The following SNAP91 variants were observed in gnomAD, a reference collection of about 807,000 sequenced individuals.
SNAP91 encodes the protein synaptosome associated protein 91.
SNAP91 carries 27 observed loss-of-function variants against 100.3 expected under a neutral mutation model. That is an observed-to-expected ratio of 0.27 (90% CI 0.20 to 0.37). The LOEUF (loss-of-function observed/expected upper bound fraction) is 0.37, where lower values mean the gene tolerates loss of function less well. Ranked by LOEUF, SNAP91 falls within the 10% of genes least tolerant of loss-of-function variation. The pLI is 1.00. For synonymous variants in SNAP91, 404 were observed against 398.6 expected, an observed-to-expected ratio of 1.01 and a Z score of -0.16; for missense variants, 986 against 1,123.7, an observed-to-expected ratio of 0.88 and a Z score of 1.75.
chr6:83,667,457 A>G lies in SNAP91; in HGVS notation c.131-1876T>C, dbSNP rs1056122631. ...CTGGTCTTTTATTGAGTAAGAAATT[A>G]AAAAGATTTATAAAAATATAAAATG... is the stretch of plus-strand genomic sequence containing the variant. On this transcript the variant is annotated intron_variant, in intron 2 of 29. Transcript: ENST00000369694. Among the ~76,000 whole-genome samples, 96 of 152,208 alleles carry G rather than the reference A, an allele frequency of 6.3e-4. 1 individual carries two copies. Among genetic ancestry groups the G allele is most frequent in the African/African-American group, 2.1e-3 (89 of 41,576 alleles).
At chr6:83,670,207 T>G (rs1001795031) in intron 2 of SNAP91, among the ~76,000 whole-genome samples, 2 of 151,624 alleles carry the variant, frequency 1.3e-5, no homozygotes, top group African/African-American at 4.8e-5. Context: ...ATGAGCATTC[T>G]AGTTGCTCTA....
chr6:83,586,877 G>A (rs564806201), intron 22 of SNAP91, among the ~76,000 whole-genome samples: 1 of 150,544 alleles, frequency 6.6e-6, no homozygotes, highest in Non-Finnish European at 1.5e-5. Flanking sequence ...CTCTTTGGAA[G>A]TTGTCCTCTC....
intron 2 of SNAP91, among the ~76,000 whole-genome samples, chr6:83,678,575 C>CA (rs1408560364): frequency 6.6e-6 from 1 of 152,176 alleles, no homozygotes; most frequent in Non-Finnish European, 1.5e-5. Flanking sequence ...ACTGCTGCTG[C>CA]AGGCATTTGG....
At chr6:83,654,462 G>A (rs188632364) in intron 7 of SNAP91, among the ~76,000 whole-genome samples, 1 of 152,118 alleles carries the variant, frequency 6.6e-6, no homozygotes, top group Non-Finnish European at 1.5e-5. Context: ...GACTTTTCAA[G>A]GACACTGACT....
At chr6:83,580,421 A>AG in intron 24 of SNAP91, 29 bp downstream of exon 24, 2 of 134,784 alleles carry the variant, frequency 1.5e-5, no homozygotes, top group Admixed American at 4.9e-4. Context: ...CTTCAGTTAA[A>AG]GAAAAAAAAA....
intron 2 of SNAP91, among the ~76,000 whole-genome samples, chr6:83,699,540 G>A (rs186610985): frequency 8.9e-4 from 135 of 152,122 alleles, no homozygotes; most frequent in African/African-American, 2.3e-3. Flanking sequence ...AGATTTATAC[G>A]GATGTAATAA....
At chr6:83,682,339 C>T (rs1166925057) in intron 2 of SNAP91, among the ~76,000 whole-genome samples, 1 of 151,768 alleles carries the variant, frequency 6.6e-6, no homozygotes, top group African/African-American at 2.4e-5. Context: ...TGCCACCACA[C>T]CTAGCTAATT....
intron 5 of SNAP91, among the ~76,000 whole-genome samples, chr6:83,659,758 T>G (rs1475119263): frequency 2.1e-5 from 3 of 143,554 alleles, no homozygotes; most frequent in Admixed American, 9.0e-5. Flanking sequence ...AAAAAGCCAG[T>G]TTTTTTTTCT....
chr6:83,602,888 G>A (rs2095359885), intron 14 of SNAP91, among the ~76,000 whole-genome samples: 2 of 152,092 alleles, frequency 1.3e-5, no homozygotes, highest in South Asian at 4.1e-4. Flanking sequence ...CATAATGCAT[G>A]CGGGGCTTAA....
At position 83,597,466 on chromosome 6, in the gene SNAP91, C is replaced by T. The variant is rs542150391; in HGVS notation, c.1325-2985G>A. On this transcript the variant is annotated intron_variant, in intron 16 of 29. Transcript: ENST00000369694. ...CAGTTCAGCTCTCCTTTTCATGTTA[C>T]CCATTTGCAGTTAATTTCTACATTC... Among the ~76,000 whole-genome samples the T allele has an allele frequency of 7.6e-4, 115 of 152,278 alleles. 1 individual carries two copies. The highest frequency in any genetic ancestry group is 1.1e-3 in the Non-Finnish European group (74 of 68,028).
intron 2 of SNAP91, among the ~76,000 whole-genome samples, chr6:83,707,189 G>T (rs2099392243): frequency 6.6e-6 from 1 of 152,088 alleles, no homozygotes; most frequent in African/African-American, 2.4e-5. Flanking sequence ...AAATGAAATT[G>T]CCATAGCTAT....
intron 11 of SNAP91, among the ~76,000 whole-genome samples, chr6:83,614,645 T>C (rs1020368256): frequency 6.6e-6 from 1 of 152,176 alleles, no homozygotes; most frequent in Non-Finnish European, 1.5e-5. Flanking sequence ...GAGAGACTGT[T>C]AGTCTATATC....
At chr6:83,609,919 C>A (rs2095879908) in intron 12 of SNAP91, among the ~76,000 whole-genome samples, 1 of 152,012 alleles carries the variant, frequency 6.6e-6, no homozygotes, top group African/African-American at 2.4e-5. Flanking sequence ...TTTTCTGTTG[C>A]AATATAAATA....
At position 83,603,310 on chromosome 6, in the gene SNAP91, C is replaced by T. The variant is rs77776337; in HGVS notation, c.1142-1711G>A. 4.5e-4 allele frequency among the ~76,000 whole-genome samples: 68 copies of T among 152,226 alleles called. No homozygotes were observed. The East Asian group carries it at 0.012, about 26-fold the overall frequency. ...CCCCAAATTTTGGCCCATTAGCTTA[C>T]CTATTGGGACAACTGATGTTTAGCC... On this transcript the variant is annotated intron_variant, in intron 14 of 29. Transcript: ENST00000369694.
At chr6:83,591,397 T>C in intron 21 of SNAP91, 103 bp from the exon 22 acceptor site, 1 of 713,902 alleles carries the variant, frequency 1.4e-6, no homozygotes. Flanking sequence ...CATGACAGTG[T>C]ACAGTGAGCT....
At chr6:83,675,192 G>T (rs187764967) in intron 2 of SNAP91, among the ~76,000 whole-genome samples, 1 of 152,102 alleles carries the variant, frequency 6.6e-6, no homozygotes, top group African/African-American at 2.4e-5. Flanking sequence ...GAGATAAAGG[G>T]GAGCAGCTTA....
At chr6:83,603,328 G>A (rs2095402476) in intron 14 of SNAP91, among the ~76,000 whole-genome samples, 1 of 152,052 alleles carries the variant, frequency 6.6e-6, no homozygotes, top group Admixed American at 6.6e-5. Context: ...GACAACTGAT[G>A]TTTAGCCATG....
intron 2 of SNAP91, among the ~76,000 whole-genome samples, chr6:83,678,465 A>G (rs1046230101): frequency 1.1e-4 from 16 of 152,176 alleles, no homozygotes; most frequent in African/African-American, 3.9e-4. Flanking sequence ...AATGGGACTC[A>G]AAAAGCAGAC....
chr6:83,613,398 G>A (rs527937065), intron 11 of SNAP91, among the ~76,000 whole-genome samples: 7 of 152,202 alleles, frequency 4.6e-5, no homozygotes, highest in South Asian at 2.1e-4. Flanking sequence ...TTAACCAGAC[G>A]TCTTTAAAAA....
Sources: allele counts gnomAD v4.1 joint callset (sites outside exome capture counted in the v4.1 genomes callset), GRCh38; gene constraint gnomAD v4.1.1; transcripts MANE v1.5; gene names NCBI Gene and HGNC (gene_info 2026-07-23, HGNC 2026-07-21).